The following ITPR2 variants were observed in gnomAD, a reference collection of about 807,000 sequenced individuals.
ITPR2 encodes inositol 1,4,5-trisphosphate-gated calcium channel ITPR2.
ITPR2 carries 207 observed loss-of-function variants against 317.1 expected under a neutral mutation model. The ratio of observed to expected loss-of-function variants is 0.65; its 90% CI spans 0.58 to 0.73. ITPR2 has a LOEUF of 0.73. ITPR2 is among the 30% of genes least tolerant of loss of function. The pLI is 0.00. For missense variants in ITPR2, 2,613 were observed against 3,284.0 expected, an observed-to-expected ratio of 0.80 and a Z score of 4.99; for synonymous variants, 1,156 against 1,149.1, an observed-to-expected ratio of 1.01 and a Z score of -0.12.
chr12:26,361,473 T>A (rs1038203699), intron 55 of ITPR2, among the ~76,000 whole-genome samples: 2 of 152,048 alleles, frequency 1.3e-5, no homozygotes, highest in South Asian at 4.1e-4. Flanking sequence ...GCTAAAAAAA[T>A]GGGTGAAGAT....
chr12:26,816,978 G>C (rs957714568), intron 1 of ITPR2, among the ~76,000 whole-genome samples: 2 of 151,950 alleles, frequency 1.3e-5, no homozygotes, highest in Non-Finnish European at 2.9e-5. Context: ...AGGAGATCAA[G>C]ACCATCCTGG....
intron 11 of ITPR2, among the ~76,000 whole-genome samples, chr12:26,685,012 T>TA (rs1229521866): frequency 6.6e-6 from 1 of 152,110 alleles, no homozygotes; most frequent in Non-Finnish European, 1.5e-5. Flanking sequence ...AGAATAGCCA[T>TA]AAAACACCCT....
chr12:26,535,063 G>A (rs768245709), intron 37 of ITPR2, among the ~76,000 whole-genome samples: 1 of 152,144 alleles, frequency 6.6e-6, no homozygotes. Flanking sequence ...AATGATATGT[G>A]TATGAGGTGG....
At chr12:26,424,251 A>T (rs1222695227) in intron 49 of ITPR2, among the ~76,000 whole-genome samples, 1 of 152,226 alleles carries the variant, frequency 6.6e-6, no homozygotes, top group Admixed American at 6.5e-5. Context: ...ATCAGGCTTT[A>T]GTATCTTCCT....
At chr12:26,787,403 G>A (rs1365715605) in intron 2 of ITPR2, among the ~76,000 whole-genome samples, 2 of 152,218 alleles carry the variant, frequency 1.3e-5, no homozygotes, top group African/African-American at 2.4e-5. Flanking sequence ...GAAGGATGGA[G>A]TGTCTGAAAA....
chr12:26,475,804 C>T (rs1158906907), intron 44 of ITPR2, among the ~76,000 whole-genome samples: 2 of 152,154 alleles, frequency 1.3e-5, no homozygotes, highest in East Asian at 1.9e-4. Flanking sequence ...GGAACTTACT[C>T]TCCAGTGGGA....
intron 55 of ITPR2, among the ~76,000 whole-genome samples, chr12:26,378,990 G>A (rs575779205): frequency 2.0e-5 from 3 of 152,272 alleles, no homozygotes; most frequent in East Asian, 1.9e-4. Flanking sequence ...TGCCATGTGC[G>A]CTGCCGAGAG....
intron 1 of ITPR2, among the ~76,000 whole-genome samples, chr12:26,822,875 C>A (rs1950959428): frequency 6.6e-6 from 1 of 152,176 alleles, no homozygotes; most frequent in Admixed American, 6.5e-5. Context: ...CAGATTATTT[C>A]TTCTGTCTTT....
chr12:26,677,072 G>T (rs1390251133), intron 13 of ITPR2, among the ~76,000 whole-genome samples: 1 of 148,646 alleles, frequency 6.7e-6, no homozygotes, highest in Non-Finnish European at 1.5e-5. Context: ...TGGTCAAAAT[G>T]TACGATAAGA....
At position 26,511,512 on chromosome 12, in the gene ITPR2, C is replaced by T. The variant is rs138759591; in HGVS notation, c.5074-16252G>A. On this transcript the variant is annotated intron_variant, in intron 37 of 56. Coordinates refer to ENST00000381340, the MANE Select transcript of ITPR2 (RefSeq NM_002223.4). ...CAGTGCCTTTCCAGGGCTGAGCAGA[C>T]ATTCAATAACTTTTTTTGTAAGTAT... is the stretch of plus-strand genomic sequence containing the variant. Among the ~76,000 whole-genome samples, 615 of 152,312 alleles carry T rather than the reference C, an allele frequency of 4.0e-3. 12 individuals carry two copies. Among genetic ancestry groups the T allele is most frequent in the Admixed American group, 0.027 (413 of 15,304 alleles).
intron 15 of ITPR2, among the ~76,000 whole-genome samples, chr12:26,662,004 G>A (rs1019965789): frequency 6.6e-6 from 1 of 152,048 alleles, no homozygotes; most frequent in Non-Finnish European, 1.5e-5. Flanking sequence ...CAGCAAGAAG[G>A]GTGTTTATAA....
chr12:26,347,757 T>C (rs891781135), intron 55 of ITPR2, among the ~76,000 whole-genome samples: 4 of 152,248 alleles, frequency 2.6e-5, no homozygotes, highest in Non-Finnish European at 5.9e-5. Flanking sequence ...ATGCTAACGA[T>C]TGATTTATTA....
At chr12:26,525,908 C>T (rs1213442199) in intron 37 of ITPR2, among the ~76,000 whole-genome samples, 3 of 152,182 alleles carry the variant, frequency 2.0e-5, no homozygotes, top group Non-Finnish European at 4.4e-5. Context: ...TATAATTCAA[C>T]CCTAAGCCCC....
At chr12:26,653,887 C>A (rs1947313843) in intron 21 of ITPR2, 89 bp downstream of exon 21, 1 of 1,056,894 alleles carries the variant, frequency 9.5e-7, no homozygotes, top group South Asian at 1.4e-5. Context: ...TTAGCAGGTA[C>A]ACAATAGCAA....
At chr12:26,605,640 GT>G (rs751287727) in intron 26 of ITPR2, among the ~76,000 whole-genome samples, 5 of 152,126 alleles carry the variant, frequency 3.3e-5, no homozygotes, top group Non-Finnish European at 7.4e-5. Flanking sequence ...TTTAAGAAAA[GT>G]AATCTTAGGT....
intron 9 of ITPR2, among the ~76,000 whole-genome samples, chr12:26,706,740 G>C (rs540104388): frequency 6.6e-6 from 1 of 151,956 alleles, no homozygotes. Flanking sequence ...TCCCAGCCTC[G>C]AGGTAGCTAC....
intron 31 of ITPR2, among the ~76,000 whole-genome samples, chr12:26,596,412 C>T (rs866084423): frequency 3.3e-5 from 5 of 152,150 alleles, no homozygotes; most frequent in Admixed American, 2.6e-4. Context: ...TTTGGGAGGC[C>T]GAGGCAGGTG....
In ITPR2 at chr12:26,580,066, G is replaced by T; in HGVS notation, c.4470C>A (p.Phe1490Leu). 1 of 1,611,922 alleles carries T rather than the reference G, an allele frequency of 6.2e-7. No individual in the cohort carries two copies. The highest frequency in any genetic ancestry group is 8.5e-7 in the Non-Finnish European group (1 of 1,178,356). ...TESIMNIVSG[F>L]FNSPFSDNST... ...TATTGTCTGAAAAGGGAGAATTAAA[G>T]AAGCCGCTCACAATATTCATTATTG... The change falls in exon 33 of 57, where the codon TTC (phenylalanine) becomes TTA (leucine). Residue 1490 changes from phenylalanine (F) to leucine (L), a missense_variant. Transcript: ENST00000381340.
intron 9 of ITPR2, among the ~76,000 whole-genome samples, chr12:26,698,466 T>G (rs978865576): frequency 6.6e-6 from 1 of 151,952 alleles, no homozygotes; most frequent in Non-Finnish European, 1.5e-5. Context: ...CAAAACACAA[T>G]GTACTGCATG....
Sources: gnomAD v4.1 joint callset for allele counts (sites outside exome capture counted in the v4.1 genomes callset) on GRCh38, gnomAD v4.1.1 for gene constraint, MANE v1.5 for transcripts, NCBI Gene and HGNC (gene_info 2026-07-23, HGNC 2026-07-21) for gene names.